RGS3: variants seen among roughly 807,000 people sequenced by gnomAD.
The protein encoded by RGS3 is regulator of G-protein signalling 3.
Under a neutral mutation model 132.6 loss-of-function variants are expected in RGS3, and 80 were observed. The observed-to-expected ratio is 0.60, with a 90% CI of 0.50 to 0.73. RGS3 has a LOEUF of 0.73. RGS3 is among the 30% of genes least tolerant of loss of function. The probability of loss-of-function intolerance (pLI) is 0.00; values close to 1 mark genes in which losing one functional copy is unlikely to be tolerated. For missense variants in RGS3, 1,382 were observed against 1,530.8 expected (o/e 0.90, Z 1.62); for synonymous variants, 598 against 620.6 (o/e 0.96, Z 0.54).
intron 19 of RGS3, chr9:113,582,301 C>A: frequency 1.3e-6 from 1 of 745,758 alleles, no homozygotes; most frequent in Non-Finnish European, 1.6e-6. Flanking sequence ...TTAATGATTT[C>A]TACAATGAGA....
At chr9:113,583,318 C>T in intron 19 of RGS3, 132 bp from the exon 18 acceptor site, 1 of 1,440,558 alleles carries the variant, frequency 6.9e-7, no homozygotes, top group Non-Finnish European at 9.1e-7. Flanking sequence ...GGGGTTCCAT[C>T]TGGCACCTCA....
chr9:113,515,549 T>G (rs1831612556), intron 15 of RGS3, among the ~76,000 whole-genome samples: 1 of 151,932 alleles, frequency 6.6e-6, no homozygotes, highest in South Asian at 2.1e-4. Flanking sequence ...GAGAATCGCT[T>G]GAACCTGGGG....
At chr9:113,568,232 A>G (rs1016375470) in intron 19 of RGS3, among the ~76,000 whole-genome samples, 8 of 152,222 alleles carry the variant, frequency 5.3e-5, no homozygotes, top group African/African-American at 1.9e-4. Flanking sequence ...CAGAGTATCC[A>G]GGTTTCATCT....
At chr9:113,575,569 A>C (rs1473286963) in intron 19 of RGS3, among the ~76,000 whole-genome samples, 1 of 152,048 alleles carries the variant, frequency 6.6e-6, no homozygotes, top group Admixed American at 6.5e-5. Flanking sequence ...CACTATAGAG[A>C]GGGTTCTATG....
chr9:113,520,038 T>A (rs1831864592), intron 16 of RGS3, among the ~76,000 whole-genome samples: 1 of 152,206 alleles, frequency 6.6e-6, no homozygotes, highest in African/African-American at 2.4e-5. Flanking sequence ...TAGGTCAGAT[T>A]CCCAAGAAGA....
chr9:113,587,182 T>C (rs895018599), intron 20 of RGS3, among the ~76,000 whole-genome samples: 7 of 145,216 alleles, frequency 4.8e-5, no homozygotes, highest in Non-Finnish European at 9.1e-5. Context: ...GTCTAGTCAG[T>C]CCTCTGTGGC....
At position 113,479,315 on chromosome 9, in the gene RGS3, G is replaced by A; in HGVS notation, c.416-176G>A. The A allele has an allele frequency of 4.4e-6, 3 of 685,472 alleles. No homozygotes were observed. In the South Asian group the frequency reaches 5.1e-5, roughly 12 times the overall value. 42.5% of individuals were successfully genotyped at this position (685,472 alleles called of 1,614,324 possible). ...GAGGCATTCGAAAGGGACTCCCGAT[G>A]TGGTGGGCGGGGCTGAACCCTGTGG... On this transcript the variant is annotated intron_variant, in intron 3 of 24. Transcript: ENST00000350696.
At chr9:113,477,468 C>A (rs1465333539) in intron 3 of RGS3, among the ~76,000 whole-genome samples, 3 of 152,136 alleles carry the variant, frequency 2.0e-5, no homozygotes, top group Admixed American at 2.0e-4. Flanking sequence ...GATTGGTGGA[C>A]TTATGCAGAG....
At chr9:113,521,425 G>A (rs1372137466) in intron 16 of RGS3, among the ~76,000 whole-genome samples, 2 of 152,182 alleles carry the variant, frequency 1.3e-5, no homozygotes, top group Admixed American at 6.5e-5. Context: ...CCACTCCCTG[G>A]AGTGAGGAGT....
chr9:113,477,829 G>A (rs1358763435), intron 3 of RGS3, among the ~76,000 whole-genome samples: 1 of 152,244 alleles, frequency 6.6e-6, no homozygotes, highest in Non-Finnish European at 1.5e-5. Flanking sequence ...GGAGGGCACA[G>A]CTAGCCAGGG....
chr9:113,452,363 T>C lies in RGS3; in HGVS notation c.-13+7436T>C, dbSNP rs144352022. Among the ~76,000 whole-genome samples, 115 of 152,206 alleles carry C rather than the reference T, an allele frequency of 7.6e-4. 1 individual carries two copies. Among genetic ancestry groups the C allele is most frequent in the African/African-American group, 2.5e-3 (103 of 41,554 alleles). The stretch of plus-strand genomic sequence containing the variant: ...TCCCTGTCTTCTGTCACATAGTTTC[T>C]GATGAGACGTCTGATGTCATTCTTA... On this transcript the variant is annotated intron_variant, in intron 1 of 25. Transcript: ENST00000374140.
chr9:113,475,706 C>G (rs754298875), intron 3 of RGS3, among the ~76,000 whole-genome samples: 5 of 151,278 alleles, frequency 3.3e-5, no homozygotes, highest in Non-Finnish European at 5.9e-5. Flanking sequence ...GACCACACCC[C>G]ACAAAGACAA....
At chr9:113,478,944 C>G (rs2089504457) in intron 3 of RGS3, 1 of 158,580 alleles carries the variant, frequency 6.3e-6, no homozygotes, top group African/African-American at 2.4e-5. Context: ...GTTTACTTCA[C>G]TATTTCTATA....
chr9:113,470,540 A>G (rs1315029919), intron 3 of RGS3, among the ~76,000 whole-genome samples: 1 of 152,194 alleles, frequency 6.6e-6, no homozygotes, highest in Non-Finnish European at 1.5e-5. Flanking sequence ...ATAAAGTCTA[A>G]TTTTCCTGAT....
intron 1 of RGS3, among the ~76,000 whole-genome samples, chr9:113,454,613 C>A (rs1460056267): frequency 7.5e-5 from 11 of 146,426 alleles, no homozygotes; most frequent in Non-Finnish European, 1.4e-4. Flanking sequence ...ATCAAAAAAA[C>A]AAAACAAAAC....
chr9:113,517,149 C>T, intron 15 of RGS3: 3 of 450,724 alleles, frequency 6.7e-6, no homozygotes, highest in Non-Finnish European at 1.3e-5. Context: ...TCTCAGGATG[C>T]CTCTTGGTCC....
rs969579247 is a variant in RGS3, at chr9:113,506,839, A to G, written c.1085+346A>G. Among the ~76,000 whole-genome samples, 4 of 152,154 alleles carry G rather than the reference A, an allele frequency of 2.6e-5. No individual in the cohort carries two copies. The highest frequency in any genetic ancestry group is 1.3e-4 in the Admixed American group (2 of 15,292). ...GCATGAAGATGTTGCAAATGTTTCA[A>G]TTGCACAATTAAAAAAATATTCTTG... On this transcript the variant is annotated intron_variant, in intron 12 of 24. Coordinates refer to ENST00000350696, the Ensembl canonical transcript of RGS3. The surrounding 1 kb of genome is among the most constrained non-coding windows in gnomAD (Gnocchi z 4.7).
At chr9:113,502,326 C>T (rs1830936869) in intron 10 of RGS3, among the ~76,000 whole-genome samples, 1 of 152,194 alleles carries the variant, frequency 6.6e-6, no homozygotes, top group Admixed American at 6.5e-5. Flanking sequence ...GAAGGGAGTT[C>T]TGAAATTGTC....
At chr9:113,465,946 T>G (rs1399756164) in intron 3 of RGS3, among the ~76,000 whole-genome samples, 1 of 152,198 alleles carries the variant, frequency 6.6e-6, no homozygotes, top group Non-Finnish European at 1.5e-5. Context: ...CTGATTTTCT[T>G]TATCCACTGT....
Sources: allele counts gnomAD v4.1 joint callset (sites outside exome capture counted in the v4.1 genomes callset), GRCh38; gene constraint gnomAD v4.1.1; non-coding constraint Gnocchi (gnomAD v3.1); transcripts MANE v1.5; gene names NCBI Gene and HGNC (gene_info 2026-07-23, HGNC 2026-07-21).